The following SRBD1 variants were observed in gnomAD, a reference collection of about 807,000 sequenced individuals.
SRBD1 encodes S1 RNA-binding domain-containing protein 1.
In SRBD1, 88 loss-of-function variants were observed where a neutral mutation model predicts 115.3. The observed-to-expected ratio is 0.76, with a 90% CI of 0.64 to 0.91. SRBD1 has a LOEUF of 0.91. Among genes scored for constraint, SRBD1 ranks in the 40% least tolerant of loss-of-function variants. SRBD1 has a pLI of 0.00. For synonymous variants in SRBD1, 509 were observed against 407.7 expected (o/e 1.25, Z -2.99); for missense variants, 1,385 against 1,177.4 (o/e 1.18, Z -2.58).
intron 9 of SRBD1, among the ~76,000 whole-genome samples, chr2:45,566,558 T>C (rs528724138): frequency 6.6e-6 from 1 of 152,324 alleles, no homozygotes; most frequent in Admixed American, 6.5e-5. Flanking sequence ...AGGAAATATT[T>C]GGGAGAAAAA....
intron 14 of SRBD1, among the ~76,000 whole-genome samples, chr2:45,543,615 G>A (rs1672017193): frequency 6.6e-6 from 1 of 151,444 alleles, no homozygotes; most frequent in African/African-American, 2.4e-5. Context: ...AGTGTAAGAT[G>A]AGAAAACATG....
chr2:45,397,635 G>C (rs1667183716), intron 19 of SRBD1, among the ~76,000 whole-genome samples: 1 of 152,206 alleles, frequency 6.6e-6, no homozygotes, highest in Admixed American at 6.5e-5. Context: ...ACAGGGTCTT[G>C]CTGTTTCACC....
chr2:45,595,720 C>T (rs908955639), intron 4 of SRBD1, among the ~76,000 whole-genome samples: 1 of 152,172 alleles, frequency 6.6e-6, no homozygotes, highest in African/African-American at 2.4e-5. Flanking sequence ...AGGAAATCCA[C>T]ATATACCACA....
chr2:45,541,023 A>G (rs77016598), intron 14 of SRBD1, among the ~76,000 whole-genome samples: 1 of 152,190 alleles, frequency 6.6e-6, no homozygotes, highest in African/African-American at 2.4e-5. Flanking sequence ...CACTCACTCA[A>G]GCTGGCAGGC....
intron 14 of SRBD1, among the ~76,000 whole-genome samples, chr2:45,511,443 C>A (rs929549372): frequency 2.0e-5 from 3 of 152,176 alleles, no homozygotes; most frequent in South Asian, 2.1e-4. Context: ...CCAGAAAGAG[C>A]TATGAGTGTT....
chr2:45,589,732 C>T lies in SRBD1; in HGVS notation c.649-3958G>A, dbSNP rs151257841. ...AAACCACATACAAGCAGTCTTCATT[C>T]TGGGGACTCCAAATCACCAAATGTT... On this transcript the variant is annotated intron_variant, in intron 4 of 20. Coordinates refer to ENST00000263736, the MANE Select transcript of SRBD1 (RefSeq NM_018079.5). Among the ~76,000 whole-genome samples the T allele has an allele frequency of 5.6e-3, 848 of 152,316 alleles. 5 individuals are homozygous for T. The highest frequency in any genetic ancestry group is 8.5e-3 in the Non-Finnish European group (578 of 68,024).
At chr2:45,485,479 A>G (rs1408042002) in intron 15 of SRBD1, among the ~76,000 whole-genome samples, 1 of 152,200 alleles carries the variant, frequency 6.6e-6, no homozygotes, top group Non-Finnish European at 1.5e-5. Context: ...AGAAGGAATA[A>G]AACATACACT....
intron 14 of SRBD1, among the ~76,000 whole-genome samples, chr2:45,513,262 C>A (rs1254895091): frequency 1.3e-5 from 2 of 152,052 alleles, no homozygotes; most frequent in African/African-American, 2.4e-5. Context: ...TTAGCCCAAA[C>A]GTAATCCCTA....
At chr2:45,511,533 T>C (rs1190641917) in intron 14 of SRBD1, among the ~76,000 whole-genome samples, 1 of 152,236 alleles carries the variant, frequency 6.6e-6, no homozygotes, top group Non-Finnish European at 1.5e-5. Context: ...TGCTCACATA[T>C]AAGACCGTTT....
chr2:45,443,880 G>A lies in SRBD1; in HGVS notation c.2050-23986C>T, dbSNP rs951750988. 4.7e-5 allele frequency among the ~76,000 whole-genome samples: 7 copies of A among 149,332 alleles called. No homozygotes were observed. The East Asian group carries it at 7.8e-4, about 17-fold the overall frequency. On this transcript the variant is annotated intron_variant, in intron 16 of 20. Coordinates refer to ENST00000263736, the MANE Select transcript of SRBD1 (RefSeq NM_018079.5). ...GTGTTGCTTCCAGATTTTTTCTTAC[G>A]CATATCTAGTAATTTTCATCAGACC...
At chr2:45,583,214 A>T (rs79765030) in intron 5 of SRBD1, among the ~76,000 whole-genome samples, 2 of 74,488 alleles carry the variant, frequency 2.7e-5, no homozygotes, top group South Asian at 2.8e-4. Flanking sequence ...CTTGTAAATT[A>T]AAAAAAAAAA....
intron 14 of SRBD1, among the ~76,000 whole-genome samples, chr2:45,489,020 T>C (rs908159777): frequency 1.3e-5 from 2 of 152,206 alleles, no homozygotes; most frequent in Non-Finnish European, 2.9e-5. Flanking sequence ...TTCTCTTTCA[T>C]TCTCTTCCTT....
chr2:45,593,219 T>C (rs1008299642), intron 4 of SRBD1, among the ~76,000 whole-genome samples: 6 of 152,176 alleles, frequency 3.9e-5, no homozygotes, highest in Admixed American at 3.3e-4. Context: ...TATAAACTCA[T>C]TTAAACTATA....
intron 14 of SRBD1, among the ~76,000 whole-genome samples, chr2:45,505,618 T>A (rs569671003): frequency 6.6e-6 from 1 of 152,348 alleles, no homozygotes; most frequent in East Asian, 1.9e-4. Context: ...CCTTTTCAGT[T>A]ATTCTAAAGT....
At chr2:45,396,910 T>C (rs1667160398) in intron 19 of SRBD1, among the ~76,000 whole-genome samples, 1 of 152,096 alleles carries the variant, frequency 6.6e-6, no homozygotes, top group Non-Finnish European at 1.5e-5. Flanking sequence ...AACAACTTAA[T>C]ATTAGTACGT....
At chr2:45,454,000 C>T (rs906031494) in intron 16 of SRBD1, among the ~76,000 whole-genome samples, 2 of 151,876 alleles carry the variant, frequency 1.3e-5, no homozygotes, top group Non-Finnish European at 2.9e-5. Context: ...TTCTTATATA[C>T]ACAGTCTTTC....
At chr2:45,585,493 A>T in intron 5 of SRBD1, 115 bp downstream of exon 5, 2 of 1,175,324 alleles carry the variant, frequency 1.7e-6, no homozygotes, top group South Asian at 2.8e-5. Flanking sequence ...CCAGATTACA[A>T]TAATTCAAGG....
At chr2:45,551,041 A>C in intron 12 of SRBD1, 84 bp downstream of exon 12, 1 of 1,471,368 alleles carries the variant, frequency 6.8e-7, no homozygotes, top group East Asian at 2.4e-5. Flanking sequence ...AATTAACATT[A>C]TTTCCAAATC....
At chr2:45,473,288 A>G (rs1172601053) in intron 16 of SRBD1, among the ~76,000 whole-genome samples, 1 of 152,168 alleles carries the variant, frequency 6.6e-6, no homozygotes, top group East Asian at 1.9e-4. Flanking sequence ...CTGAAAAAGA[A>G]TCTTAATACT....
Sources: gnomAD v4.1 joint callset for allele counts (sites outside exome capture counted in the v4.1 genomes callset) on GRCh38, gnomAD v4.1.1 for gene constraint, MANE v1.5 for transcripts, NCBI Gene and HGNC (gene_info 2026-07-23, HGNC 2026-07-21) for gene names.